The following PTPRG variants were observed in gnomAD, a reference collection of about 807,000 sequenced individuals.
PTPRG encodes the protein receptor-type tyrosine-protein phosphatase gamma.
PTPRG carries 102 observed loss-of-function variants against 165.3 expected under a neutral mutation model. The ratio of observed to expected loss-of-function variants is 0.62; its 90% CI spans 0.53 to 0.73. The LOEUF is 0.73. Among genes scored for constraint, PTPRG ranks in the 30% least tolerant of loss-of-function variants. The pLI is 0.00. For missense variants in PTPRG, 1,866 were observed against 1,861.4 expected (o/e 1.00, Z -0.05); for synonymous variants, 675 against 669.5 (o/e 1.01, Z -0.13).
At chr3:61,995,072 TTTTCTTTC>T (rs1559735289) in intron 3 of PTPRG, among the ~76,000 whole-genome samples, 2 of 99,358 alleles carry the variant, frequency 2.0e-5, no homozygotes, top group Admixed American at 9.1e-5. Flanking sequence ...TTCTTTTTTC[TTTTCTTTC>T]TTTCTTTTTT....
chr3:61,822,658 TAG>T (rs1300454863), intron 2 of PTPRG, among the ~76,000 whole-genome samples: 7 of 152,200 alleles, frequency 4.6e-5, no homozygotes, highest in Admixed American at 1.3e-4. Flanking sequence ...TCTCATAGCC[TAG>T]AGATTTTCTT....
chr3:62,160,970 C>T lies in PTPRG; in HGVS notation c.840+3746C>T, dbSNP rs556973035. Among the ~76,000 whole-genome samples, 8 of 145,994 alleles carry T rather than the reference C, an allele frequency of 5.5e-5. No individual in the cohort carries two copies. In the East Asian group the frequency reaches 1.4e-3, roughly 26 times the overall value. On this transcript the variant is annotated intron_variant, in intron 7 of 29. Transcript: ENST00000474889. Reference sequence around the variant, plus strand: ...AAGGTATCTGTGAGAAACAGTAGAGCAGCTCTTTGAAATTAAGACTGTGTG... The same window carrying T: ...AAGGTATCTGTGAGAAACAGTAGAGTAGCTCTTTGAAATTAAGACTGTGTG...
intron 2 of PTPRG, among the ~76,000 whole-genome samples, chr3:61,938,565 C>A (rs932620704): frequency 6.6e-6 from 1 of 152,176 alleles, no homozygotes; most frequent in Non-Finnish European, 1.5e-5. Context: ...GTGTTTGACA[C>A]GTGTAAGTGT....
intron 2 of PTPRG, among the ~76,000 whole-genome samples, chr3:61,754,391 C>T (rs1227863727): frequency 6.6e-6 from 1 of 152,146 alleles, no homozygotes; most frequent in Non-Finnish European, 1.5e-5. Flanking sequence ...CATTATATGC[C>T]ACCTCACTAC....
At chr3:62,081,840 A>T (rs1438045257) in intron 5 of PTPRG, among the ~76,000 whole-genome samples, 1 of 152,224 alleles carries the variant, frequency 6.6e-6, no homozygotes, top group African/African-American at 2.4e-5. Context: ...CTTGGTGTAT[A>T]TTTCCAAATT....
intron 2 of PTPRG, among the ~76,000 whole-genome samples, chr3:61,843,763 TA>T (rs1343439776): frequency 6.6e-6 from 1 of 151,648 alleles, no homozygotes; most frequent in Non-Finnish European, 1.5e-5. Flanking sequence ...AGAGTGAAAG[TA>T]AAAACATTAT....
intron 5 of PTPRG, among the ~76,000 whole-genome samples, chr3:62,094,890 A>G (rs747738224): frequency 1.3e-4 from 20 of 152,212 alleles, no homozygotes; most frequent in Non-Finnish European, 2.9e-5. Flanking sequence ...ACTTGCAGAT[A>G]TTCCCACATC....
intron 14 of PTPRG, among the ~76,000 whole-genome samples, chr3:62,242,447 T>G (rs1442038838): frequency 6.6e-6 from 1 of 152,218 alleles, no homozygotes; most frequent in Non-Finnish European, 1.5e-5. Context: ...TCTAGATTGA[T>G]TCTAGAGCAC....
intron 4 of PTPRG, among the ~76,000 whole-genome samples, chr3:62,024,272 C>T (rs925114292): frequency 6.6e-6 from 1 of 152,034 alleles, no homozygotes; most frequent in African/African-American, 2.4e-5. Flanking sequence ...TTAACCCAAC[C>T]TGGTAATAGA....
chr3:62,031,280 G>C (rs534389946), intron 4 of PTPRG, among the ~76,000 whole-genome samples: 1 of 152,122 alleles, frequency 6.6e-6, no homozygotes, highest in Non-Finnish European at 1.5e-5. Flanking sequence ...TAGAAGCAAT[G>C]GGTTTACTTC....
intron 4 of PTPRG, among the ~76,000 whole-genome samples, chr3:62,042,574 C>T (rs1700163881): frequency 6.6e-6 from 1 of 152,104 alleles, no homozygotes; most frequent in Admixed American, 6.6e-5. Flanking sequence ...CCTGCATGAC[C>T]ATTTGATATT....
intron 5 of PTPRG, among the ~76,000 whole-genome samples, chr3:62,112,791 G>A (rs548503653): frequency 6.6e-6 from 1 of 152,290 alleles, no homozygotes; most frequent in South Asian, 2.1e-4. Flanking sequence ...ATGTACGTTC[G>A]TGTCTGTGAG....
In PTPRG at chr3:61,923,576, C is replaced by T. The variant is rs1234178946; in HGVS notation, c.191-66049C>T. ...TTCCCCTCCCCCCACCCCACAACAG[C>T]CCCCGGTGTGTGATGTTCCCCTTCC... is the stretch of plus-strand genomic sequence containing the variant. On this transcript the variant is annotated intron_variant, in intron 2 of 29. Transcript: ENST00000474889. Among the ~76,000 whole-genome samples, 187 of 136,742 alleles carry T rather than the reference C, an allele frequency of 1.4e-3. 2 individuals carry two copies. Among genetic ancestry groups the T allele is most frequent in the African/African-American group, 2.0e-3 (75 of 37,386 alleles). The allele number at this position is 136,742 out of a possible 152,430, so 89.7% of individuals were successfully genotyped here. A position where few individuals can be genotyped will look rare whatever the true frequency, so the allele number is the denominator to read the frequency against.
At chr3:61,844,511 T>G (rs1173974640) in intron 2 of PTPRG, among the ~76,000 whole-genome samples, 1 of 152,152 alleles carries the variant, frequency 6.6e-6, no homozygotes, top group Non-Finnish European at 1.5e-5. Context: ...GTTGTTGTTG[T>G]TACTGTGTTT....
chr3:61,716,940 C>G (rs1472768881), intron 1 of PTPRG, among the ~76,000 whole-genome samples: 1 of 152,086 alleles, frequency 6.6e-6, no homozygotes, highest in African/African-American at 2.4e-5. Flanking sequence ...CCACTGCACT[C>G]CAGCCTGGGC....
intron 8 of PTPRG, among the ~76,000 whole-genome samples, chr3:62,188,914 C>T (rs769733437): frequency 6.6e-6 from 1 of 152,042 alleles, no homozygotes. Context: ...GTATTTGGAA[C>T]GCTGGGGGTG....
intron 5 of PTPRG, among the ~76,000 whole-genome samples, chr3:62,118,711 A>G (rs1318715490): frequency 6.6e-6 from 1 of 152,218 alleles, no homozygotes; most frequent in Non-Finnish European, 1.5e-5. Context: ...CCTGGTCTGT[A>G]TACAGTGGAA....
chr3:62,285,213 C>T (rs17634913), intron 28 of PTPRG, among the ~76,000 whole-genome samples: 1,617 of 152,178 alleles, frequency 0.011, 18 homozygotes, highest in African/African-American at 0.031. Flanking sequence ...TTTGCACGAA[C>T]GGGTATGTGT....
chr3:61,724,571 T>G (rs951937220), intron 1 of PTPRG, among the ~76,000 whole-genome samples: 7 of 152,092 alleles, frequency 4.6e-5, no homozygotes, highest in African/African-American at 1.7e-4. Flanking sequence ...GCCAGGCTCT[T>G]CCAGAGTACC....
Sources: gnomAD v4.1 joint callset for allele counts (sites outside exome capture counted in the v4.1 genomes callset) on GRCh38, gnomAD v4.1.1 for gene constraint, MANE v1.5 for transcripts, NCBI Gene and HGNC (gene_info 2026-07-23, HGNC 2026-07-21) for gene names.